TPX2: variants seen among roughly 807,000 people sequenced by gnomAD.
TPX2 encodes the protein targeting protein for Xklp2.
In TPX2, 21 loss-of-function variants were observed where a neutral mutation model predicts 93.6. The ratio of observed to expected loss-of-function variants is 0.22; its 90% CI spans 0.16 to 0.32. The LOEUF (loss-of-function observed/expected upper bound fraction) is 0.32. TPX2 is among the 10% of genes least tolerant of loss of function. The pLI, the probability that TPX2 is intolerant of heterozygous loss-of-function variation, is 1.00. For synonymous variants in TPX2, 281 were observed against 298.3 expected, an observed-to-expected ratio of 0.94 and a Z score of 0.60; for missense variants, 776 against 871.1, an observed-to-expected ratio of 0.89 and a Z score of 1.37.
intron 2 of TPX2, among the ~76,000 whole-genome samples, chr20:31,745,576 C>T (rs1208962942): frequency 1.3e-5 from 2 of 152,164 alleles, no homozygotes; most frequent in African/African-American, 2.4e-5. Flanking sequence ...GATCCACCTG[C>T]CTTGGCCTCC....
intron 10 of TPX2, among the ~76,000 whole-genome samples, chr20:31,779,882 G>A (rs1433102549): frequency 1.3e-5 from 2 of 152,156 alleles, no homozygotes; most frequent in East Asian, 3.8e-4. Flanking sequence ...GGATTCTAAT[G>A]TAATAGTTTC....
At chr20:31,754,633 A>T (rs1352274543) in intron 2 of TPX2, among the ~76,000 whole-genome samples, 1 of 152,128 alleles carries the variant, frequency 6.6e-6, no homozygotes, top group Non-Finnish European at 1.5e-5. Context: ...ATGTGTCAAG[A>T]GCTTTTGACC....
intron 4 of TPX2, among the ~76,000 whole-genome samples, chr20:31,764,505 T>C (rs1179841288): frequency 2.0e-5 from 3 of 152,130 alleles, no homozygotes; most frequent in Non-Finnish European, 4.4e-5. Flanking sequence ...TTTATCCCCA[T>C]TGAAATTCTG....
intron 12 of TPX2, among the ~76,000 whole-genome samples, chr20:31,788,780 C>T (rs1024396003): frequency 1.4e-4 from 21 of 152,040 alleles, no homozygotes; most frequent in South Asian, 6.2e-4. Flanking sequence ...ATTGGGCAGC[C>T]GGGGCACCAC....
At chr20:31,781,494 T>C (rs1328807922) in intron 10 of TPX2, among the ~76,000 whole-genome samples, 3 of 151,842 alleles carry the variant, frequency 2.0e-5, no homozygotes, top group African/African-American at 7.2e-5. Flanking sequence ...CTCGATCTCC[T>C]GACCTCGTGA....
At chr20:31,785,986 T>C (rs2062063615) in intron 12 of TPX2, among the ~76,000 whole-genome samples, 1 of 152,228 alleles carries the variant, frequency 6.6e-6, no homozygotes, top group Non-Finnish European at 1.5e-5. Flanking sequence ...AATAAATATG[T>C]AAATGGAAAA....
At chr20:31,747,268 G>A (rs950312928) in intron 2 of TPX2, among the ~76,000 whole-genome samples, 2 of 152,000 alleles carry the variant, frequency 1.3e-5, no homozygotes, top group South Asian at 2.1e-4. Flanking sequence ...TTAAAGGCAC[G>A]TACCCACCAC....
In TPX2 at chr20:31,770,393, A is replaced by G. The variant is rs1040825984; in HGVS notation, c.407A>G (p.His136Arg). Residue 136 changes from histidine to arginine, a missense_variant, in exon 6 of 18, where the codon CAT becomes CGT. By Grantham distance (29) the His-to-Arg change is conservative. Coordinates refer to ENST00000300403, the MANE Select transcript of TPX2 (RefSeq NM_012112.5). ...AAGGATTTGGAACAGAAAGAAAAGC[A>G]TCATGTAAAAATGAAAGCCAAGAGA... Reference protein sequence around the residue: ...AQKDLEQKEKHHVKMKAKRCA... With the variant: ...AQKDLEQKEKRHVKMKAKRCA... 3 of 1,606,958 alleles carry G rather than the reference A, an allele frequency of 1.9e-6. No homozygotes were observed. Among genetic ancestry groups the G allele is most frequent in the South Asian group, 1.1e-5 (1 of 89,828 alleles).
intron 7 of TPX2, 111 bp from the exon 8 acceptor site, chr20:31,775,756 G>A (rs373667659): frequency 1.7e-6 from 2 of 1,177,634 alleles, no homozygotes; most frequent in Non-Finnish European, 2.2e-6. Flanking sequence ...TTTTGGTTTT[G>A]ATGATTATCT....
intron 2 of TPX2, among the ~76,000 whole-genome samples, chr20:31,753,267 C>T (rs1046222269): frequency 6.6e-5 from 10 of 152,176 alleles, no homozygotes; most frequent in Admixed American, 2.6e-4. Flanking sequence ...GCTGAAGTCA[C>T]GAGCCTCAGG....
chr20:31,784,921 CCGGGATAACT>C (rs2062055955), intron 12 of TPX2, among the ~76,000 whole-genome samples: 1 of 152,140 alleles, frequency 6.6e-6, no homozygotes, highest in Non-Finnish European at 1.5e-5. Flanking sequence ...TGATGCAGGT[CCGGGATAACT>C]CTAGAAGCAC....
intron 4 of TPX2, among the ~76,000 whole-genome samples, chr20:31,762,832 G>A (rs890238053): frequency 6.6e-6 from 1 of 151,968 alleles, no homozygotes. Context: ...TTAGAGATGA[G>A]GTCTTACTCT....
chr20:31,798,833 G>T (rs1222460575), intron 17 of TPX2, among the ~76,000 whole-genome samples: 1 of 152,220 alleles, frequency 6.6e-6, no homozygotes, highest in Non-Finnish European at 1.5e-5. Flanking sequence ...ACATAAGACA[G>T]TTGTTCAAAA....
At chr20:31,777,697 G>A (rs922291950) in intron 9 of TPX2, 59 bp downstream of exon 9, 6 of 1,559,212 alleles carry the variant, frequency 3.8e-6, no homozygotes. Context: ...GATTTTACGT[G>A]TAGCATTTGT....
chr20:31,748,405 G>T (rs1005866126), intron 2 of TPX2, among the ~76,000 whole-genome samples: 2 of 151,818 alleles, frequency 1.3e-5, no homozygotes, highest in African/African-American at 2.4e-5. Flanking sequence ...AACTTCATAT[G>T]GAAAAGTATA....
chr20:31,760,265 A>G, intron 4 of TPX2, 86 bp downstream of exon 4: 3 of 1,528,418 alleles, frequency 2.0e-6, no homozygotes, highest in Non-Finnish European at 2.7e-6. Context: ...AATTACCTAA[A>G]TGCTCTATCT....
intron 12 of TPX2, among the ~76,000 whole-genome samples, chr20:31,790,998 A>C (rs2062097100): frequency 6.6e-6 from 1 of 152,156 alleles, no homozygotes; most frequent in South Asian, 2.1e-4. Context: ...GAAAAGATGA[A>C]TTGGGTGCTT....
intron 5 of TPX2, among the ~76,000 whole-genome samples, chr20:31,769,208 TAAA>T (rs11477197): frequency 7.0e-6 from 1 of 142,652 alleles, no homozygotes. Context: ...AGTATAATAA[TAAA>T]AAAAAAAAAC....
chr20:31,757,832 A>C (rs1412394307), intron 3 of TPX2, among the ~76,000 whole-genome samples: 1 of 152,216 alleles, frequency 6.6e-6, no homozygotes, highest in African/African-American at 2.4e-5. Context: ...GACCTATGGG[A>C]AAGTTCAGAT....
Sources: gnomAD v4.1 joint callset for allele counts (sites outside exome capture counted in the v4.1 genomes callset) on GRCh38, gnomAD v4.1.1 for gene constraint, MANE v1.5 for transcripts, NCBI Gene and HGNC (gene_info 2026-07-23, HGNC 2026-07-21) for gene names.